APELA: variants seen among roughly 807,000 people sequenced by gnomAD.
APELA encodes apelin receptor early endogenous ligand.
intron 2 of APELA, among the ~76,000 whole-genome samples, chr4:164,887,935 A>C (rs1317728979): frequency 6.6e-6 from 1 of 152,066 alleles, no homozygotes; most frequent in Non-Finnish European, 1.5e-5. Context: ...TTAATTGACA[A>C]ATTTTAGTCT....
chr4:164,888,657 T>C (rs989706283), intron 2 of APELA, among the ~76,000 whole-genome samples: 3 of 152,186 alleles, frequency 2.0e-5, no homozygotes, highest in Admixed American at 6.5e-5. Flanking sequence ...CCAGTTCACA[T>C]TACACAAGCT....
At chr4:164,882,959 T>C (rs777136576) in intron 2 of APELA, among the ~76,000 whole-genome samples, 1 of 152,190 alleles carries the variant, frequency 6.6e-6, no homozygotes, top group Non-Finnish European at 1.5e-5. Flanking sequence ...TCCATGGTGT[T>C]AATACATTAT....
chr4:164,898,377 C>G (rs945187707), downstream of APELA, among the ~76,000 whole-genome samples: 1 of 151,440 alleles, frequency 6.6e-6, no homozygotes, highest in Non-Finnish European at 1.5e-5. Context: ...TGTCGGGTGC[C>G]TGTAATCCCA....
chr4:164,890,591 C>G (rs1730861161), intron 2 of APELA, among the ~76,000 whole-genome samples: 1 of 152,188 alleles, frequency 6.6e-6, no homozygotes, highest in Non-Finnish European at 1.5e-5. Flanking sequence ...TAATTTACGA[C>G]TGAATACAAT....
At chr4:164,894,089 G>A (rs1180846386) in intron 2 of APELA, among the ~76,000 whole-genome samples, 4 of 152,152 alleles carry the variant, frequency 2.6e-5, no homozygotes, top group Non-Finnish European at 4.4e-5. Flanking sequence ...TTGGGAGGCC[G>A]AGGCAGGCAG....
At chr4:164,883,230 C>T (rs1214322415) in intron 2 of APELA, among the ~76,000 whole-genome samples, 1 of 152,156 alleles carries the variant, frequency 6.6e-6, no homozygotes, top group East Asian at 1.9e-4. Context: ...TCATGGAGCA[C>T]TTCATCTCCA....
chr4:164,886,590 G>A (rs1730775319), intron 2 of APELA, among the ~76,000 whole-genome samples: 1 of 152,002 alleles, frequency 6.6e-6, no homozygotes, highest in African/African-American at 2.4e-5. Flanking sequence ...AGGCTATAGT[G>A]AGCTGTGATC....
intron 2 of APELA, among the ~76,000 whole-genome samples, chr4:164,890,815 A>C (rs558727789): frequency 6.6e-6 from 1 of 152,346 alleles, no homozygotes; most frequent in Non-Finnish European, 1.5e-5. Flanking sequence ...AGGAACTGCC[A>C]AACTGTTTTT....
intron 2 of APELA, among the ~76,000 whole-genome samples, chr4:164,889,894 T>C (rs895218976): frequency 7.2e-5 from 11 of 152,226 alleles, no homozygotes; most frequent in Non-Finnish European, 1.6e-4. Context: ...GTATTATAAG[T>C]AATCTGCAAA....
chr4:164,882,742 C>T (rs1199933893), intron 2 of APELA, among the ~76,000 whole-genome samples: 1 of 152,014 alleles, frequency 6.6e-6, no homozygotes, highest in Non-Finnish European at 1.5e-5. Context: ...GCTATCCCTC[C>T]CCACTCCCCC....
Position 164,896,668 on chromosome 4 carries a change from G to A in APELA, c.*1254G>A, listed in dbSNP as rs1317666487. The A allele has an allele frequency of 6.6e-6, 1 of 151,982 alleles. No homozygotes were observed. Among genetic ancestry groups the A allele is most frequent in the Non-Finnish European group, 1.5e-5 (1 of 68,006 alleles). 9.4% of individuals were successfully genotyped at this position (151,982 alleles called of 1,614,324 possible). A position where few individuals can be genotyped will look rare whatever the true frequency, so the allele number is the denominator to read the frequency against. On this transcript the variant is annotated 3_prime_UTR_variant, in exon 3 of 3. Coordinates refer to ENST00000507152, the MANE Select transcript of APELA (RefSeq NM_001297550.2). ...AAATTTGAATTGTGTTGATAACTAG[G>A]TGTTCCCCAGATGCTAAGATGTTCT...
rs184777344 is a variant in APELA at position 164,897,275 on chromosome 4, C to G, written c.*1861C>G. 1 of 152,292 alleles carries G rather than the reference C, an allele frequency of 6.6e-6. No individual in the cohort carries two copies. Among genetic ancestry groups the G allele is most frequent in the Non-Finnish European group, 1.5e-5 (1 of 68,026 alleles). 9.4% of individuals were successfully genotyped at this position (152,292 alleles called of 1,614,324 possible). On this transcript the variant is annotated 3_prime_UTR_variant, in exon 3 of 3. Coordinates refer to ENST00000507152, the MANE Select transcript of APELA (RefSeq NM_001297550.2). ...CTTTGCGGATGAATGGTACTTTCCACAAGTGCATTTGAGTAGAAGCATAAC... is the reference window on the plus strand; with the variant it reads ...CTTTGCGGATGAATGGTACTTTCCAGAAGTGCATTTGAGTAGAAGCATAAC...
intron 2 of APELA, among the ~76,000 whole-genome samples, chr4:164,894,556 C>A (rs1730938520): frequency 6.6e-6 from 1 of 151,962 alleles, no homozygotes; most frequent in Non-Finnish European, 1.5e-5. Flanking sequence ...AGGCATGCAC[C>A]ACCATGCCCA....
chr4:164,894,728 G>A (rs938503705), intron 2 of APELA, among the ~76,000 whole-genome samples: 1 of 152,082 alleles, frequency 6.6e-6, no homozygotes, highest in African/African-American at 2.4e-5. Flanking sequence ...TTCGAGATGA[G>A]CTCTTGCTAT....
chr4:164,883,641 C>A (rs373012271), intron 2 of APELA, among the ~76,000 whole-genome samples: 1 of 151,844 alleles, frequency 6.6e-6, no homozygotes, highest in East Asian at 1.9e-4. Context: ...TGTGTGCCAA[C>A]GTGCTTGGCT....
chr4:164,891,770 G>A (rs1179451444), intron 2 of APELA, among the ~76,000 whole-genome samples: 1 of 152,020 alleles, frequency 6.6e-6, no homozygotes, highest in African/African-American at 2.4e-5. Flanking sequence ...TTTCTAATCT[G>A]GGTTTCTTTT....
chr4:164,897,446 T>C lies in APELA; in HGVS notation c.*2032T>C. 1 of 152,224 alleles carries C rather than the reference T, an allele frequency of 6.6e-6. No individual in the cohort carries two copies. Among genetic ancestry groups the C allele is most frequent in the East Asian group, 1.9e-4 (1 of 5,204 alleles). The allele number at this position is 152,224 out of a possible 1,614,324, so 9.4% of individuals were successfully genotyped here. ...CAAATTCGCATATTCACAGAAAAAG[T>C]TACAAATCAGTTTTACTATTGTAAA... On this transcript the variant is annotated 3_prime_UTR_variant, in exon 3 of 3. Coordinates refer to ENST00000507152, the MANE Select transcript of APELA (RefSeq NM_001297550.2).
chr4:164,880,783 G>C (rs1218799376), intron 2 of APELA, among the ~76,000 whole-genome samples: 1 of 152,196 alleles, frequency 6.6e-6, no homozygotes, highest in African/African-American at 2.4e-5. Flanking sequence ...AGCATGAATA[G>C]TGAAATTTGA....
At position 164,895,751 on chromosome 4, in the gene APELA, A is replaced by G. The variant is rs946890544; in HGVS notation, c.*337A>G. The G allele has an allele frequency of 6.6e-6, 1 of 152,188 alleles. No individual in the cohort carries two copies. Among genetic ancestry groups the G allele is most frequent in the Non-Finnish European group, 1.5e-5 (1 of 68,030 alleles). The allele number at this position is 152,188 out of a possible 1,614,324, so 9.4% of individuals were successfully genotyped here. On this transcript the variant is annotated 3_prime_UTR_variant, in exon 3 of 3. Coordinates refer to ENST00000507152, the MANE Select transcript of APELA (RefSeq NM_001297550.2). ...GAAAAATACCTTTTAGTGTTTTAGA[A>G]CTCTCTCATGGTAAAAAGTGCAAGA...
Sources: gnomAD v4.1 joint callset for allele counts (sites outside exome capture counted in the v4.1 genomes callset) on GRCh38, gnomAD v4.1.1 for gene constraint, MANE v1.5 for transcripts, NCBI Gene and HGNC (gene_info 2026-07-23, HGNC 2026-07-21) for gene names.